Variants in LRRC4C observed in about 807,000 individuals in gnomAD.
LRRC4C encodes leucine-rich repeat-containing protein 4C.
Under a neutral mutation model 33.6 loss-of-function variants are expected in LRRC4C, and 5 were observed. The ratio of observed to expected loss-of-function variants is 0.15; its 90% CI spans 0.08 to 0.31. LRRC4C has a LOEUF of 0.31. Among genes scored for constraint, LRRC4C ranks in the 10% least tolerant of loss-of-function variants. The pLI is 1.00. For missense variants in LRRC4C, 560 were observed against 796.7 expected, an observed-to-expected ratio of 0.70 and a Z score of 3.58; for synonymous variants, 329 against 302.0, an observed-to-expected ratio of 1.09 and a Z score of -0.93.
chr11:41,098,123 C>T (rs756334235), intron 1 of LRRC4C, among the ~76,000 whole-genome samples: 48 of 152,166 alleles, frequency 3.2e-4, no homozygotes, highest in Middle Eastern at 3.4e-3. Flanking sequence ...AAAGTAGATA[C>T]GGACACTAAC....
intron 3 of LRRC4C, among the ~76,000 whole-genome samples, chr11:40,603,232 AC>A (rs564972003): frequency 8.7e-4 from 133 of 152,336 alleles, no homozygotes; most frequent in African/African-American, 2.5e-3. Flanking sequence ...CAAAAATTAT[AC>A]CAGCAATGGC....
chr11:40,187,326 T>C (rs1421195621), intron 5 of LRRC4C, among the ~76,000 whole-genome samples: 1 of 150,926 alleles, frequency 6.6e-6, no homozygotes, highest in South Asian at 2.1e-4. Flanking sequence ...AAATTTTCTT[T>C]CTTTTTTTTT....
intron 1 of LRRC4C, among the ~76,000 whole-genome samples, chr11:41,058,820 A>G (rs1858835132): frequency 6.6e-6 from 1 of 152,234 alleles, no homozygotes; most frequent in Non-Finnish European, 1.5e-5. Flanking sequence ...ATGCCCATCA[A>G]TGGTAGACTG....
intron 5 of LRRC4C, among the ~76,000 whole-genome samples, chr11:40,230,922 CT>C (rs1439220833): frequency 6.6e-6 from 1 of 152,192 alleles, no homozygotes; most frequent in African/African-American, 2.4e-5. Context: ...TAAAAGGCCA[CT>C]GTGTTGCACA....
chr11:40,646,791 A>G (rs1209447723), intron 3 of LRRC4C, among the ~76,000 whole-genome samples: 1 of 152,140 alleles, frequency 6.6e-6, no homozygotes, highest in African/African-American at 2.4e-5. Context: ...TATTTTCAGT[A>G]GAGATGAGGT....
intron 1 of LRRC4C, among the ~76,000 whole-genome samples, chr11:41,074,377 C>T (rs926528093): frequency 6.6e-6 from 1 of 152,106 alleles, no homozygotes; most frequent in African/African-American, 2.4e-5. Flanking sequence ...TTTGCCTTGC[C>T]ATTCTGTGTC....
intron 1 of LRRC4C, among the ~76,000 whole-genome samples, chr11:41,348,429 A>G (rs1951868056): frequency 6.6e-6 from 1 of 152,098 alleles, no homozygotes; most frequent in Non-Finnish European, 1.5e-5. Flanking sequence ...TGTGCTGTCT[A>G]CCAGAGATTT....
intron 5 of LRRC4C, among the ~76,000 whole-genome samples, chr11:40,214,289 C>T (rs79171300): frequency 0.023 from 3,523 of 152,084 alleles, 128 homozygotes; most frequent in African/African-American, 0.078. Context: ...GTATATAATC[C>T]CTGGGTTTGG....
intron 1 of LRRC4C, among the ~76,000 whole-genome samples, chr11:41,248,459 A>G (rs540821770): frequency 1.3e-5 from 2 of 152,214 alleles, no homozygotes; most frequent in South Asian, 4.2e-4. Context: ...GAAGTGATTC[A>G]TCCCTTATCT....
intron 2 of LRRC4C, among the ~76,000 whole-genome samples, chr11:40,836,003 A>G (rs1452741706): frequency 6.6e-6 from 1 of 152,186 alleles, no homozygotes; most frequent in African/African-American, 2.4e-5. Flanking sequence ...AATTTGCTAC[A>G]TTGGTAAGTG....
chr11:40,732,348 C>T (rs573889756), intron 2 of LRRC4C, among the ~76,000 whole-genome samples: 6 of 152,266 alleles, frequency 3.9e-5, no homozygotes, highest in African/African-American at 1.4e-4. Context: ...AAAATGCAAG[C>T]CTCTGCCAAA....
chr11:40,859,076 G>T (rs1017225290), intron 2 of LRRC4C, among the ~76,000 whole-genome samples: 1 of 152,126 alleles, frequency 6.6e-6, no homozygotes, highest in Non-Finnish European at 1.5e-5. Flanking sequence ...CCCAAAAGAG[G>T]TTACTTGCTG....
chr11:40,708,831 G>A (rs1345921442), intron 2 of LRRC4C, among the ~76,000 whole-genome samples: 1 of 152,064 alleles, frequency 6.6e-6, no homozygotes, highest in Non-Finnish European at 1.5e-5. Flanking sequence ...CATTATTATT[G>A]TGTGGGAGTC....
chr11:41,381,602 G>A (rs1366557335), intron 1 of LRRC4C, among the ~76,000 whole-genome samples: 1 of 149,028 alleles, frequency 6.7e-6, no homozygotes, highest in Non-Finnish European at 1.5e-5. Context: ...ACTCCAGCCT[G>A]GGCAACAGAG....
At chr11:40,898,215 G>A (rs1451833063) in intron 2 of LRRC4C, among the ~76,000 whole-genome samples, 3 of 151,572 alleles carry the variant, frequency 2.0e-5, no homozygotes, top group South Asian at 2.1e-4. Context: ...TTAGCCAGGC[G>A]TAGTGATGTA....
rs1304226060 is a variant in LRRC4C at position 41,281,039 on chromosome 11, A to ATT, written c.-496+178390_-496+178391dup. On this transcript the variant is annotated intron_variant, in intron 1 of 6. Transcript: ENST00000528697. ...TTAAGATAATCTCACTTAAATACAT[A>ATT]TTTTCTCTCTCTCTCTCTCTCTCTC... 1.7e-3 allele frequency among the ~76,000 whole-genome samples: 83 copies of ATT among 48,942 alleles called. 1 individual carries two copies. The highest frequency in any genetic ancestry group is 7.0e-3 in the African/African-American group (78 of 11,080). 32.1% of individuals were successfully genotyped at this position (48,942 alleles called of 152,430 possible). A position where few individuals can be genotyped will look rare whatever the true frequency, so the allele number is the denominator to read the frequency against.
intron 3 of LRRC4C, among the ~76,000 whole-genome samples, chr11:40,534,880 A>T (rs976167014): frequency 6.6e-6 from 1 of 152,178 alleles, no homozygotes; most frequent in East Asian, 1.9e-4. Flanking sequence ...TCTTCACACA[A>T]GCCTTAGTAA....
chr11:41,377,597 C>G (rs75913470), intron 1 of LRRC4C, among the ~76,000 whole-genome samples: 4 of 152,078 alleles, frequency 2.6e-5, no homozygotes, highest in Admixed American at 2.6e-4. Context: ...AATCATTTCA[C>G]AAGACAGAAC....
At position 41,096,698 on chromosome 11, in the gene LRRC4C, T is replaced by A. The variant is rs1344035117; in HGVS notation, c.-495-162975A>T. Reference sequence around the variant, plus strand: ...AAGTGTCCTGTTTGCTGCCCTGAAATATACAATGTGAATGCAAACGGCAAA... The same window carrying A: ...AAGTGTCCTGTTTGCTGCCCTGAAAAATACAATGTGAATGCAAACGGCAAA... On this transcript the variant is annotated intron_variant, in intron 1 of 6. Coordinates refer to ENST00000528697, the MANE Select transcript of LRRC4C (RefSeq NM_001258419.2). 2.0e-5 allele frequency among the ~76,000 whole-genome samples: 3 copies of A among 152,030 alleles called. No homozygotes were observed. The East Asian group carries it at 5.8e-4, about 29-fold the overall frequency.
Sources: gnomAD v4.1 joint callset for allele counts (sites outside exome capture counted in the v4.1 genomes callset) on GRCh38, gnomAD v4.1.1 for gene constraint, MANE v1.5 for transcripts, NCBI Gene and HGNC (gene_info 2026-07-23, HGNC 2026-07-21) for gene names.